The following GLMN variants were observed in gnomAD, a reference collection of about 807,000 sequenced individuals.
GLMN encodes the protein glomulin, FKBP associated protein.
A neutral mutation model predicts 87.8 loss-of-function variants in GLMN; 75 were observed. That is an observed-to-expected ratio of 0.85 (90% CI 0.71 to 1.04). The LOEUF (loss-of-function observed/expected upper bound fraction) is 1.04. Ranked by LOEUF, GLMN falls within the 50% of genes least tolerant of loss-of-function variation. GLMN has a pLI of 0.00. For synonymous variants in GLMN, 206 were observed against 221.6 expected (o/e 0.93, Z 0.63); for missense variants, 588 against 658.8 (o/e 0.89, Z 1.18).
upstream of GLMN, among the ~76,000 whole-genome samples, chr1:92,299,304 C>G (rs1258607304): frequency 1.3e-5 from 2 of 152,236 alleles, no homozygotes; most frequent in African/African-American, 4.8e-5. Flanking sequence ...GTCCGCACCT[C>G]CTGGGAAAGA....
intron 3 of GLMN, among the ~76,000 whole-genome samples, chr1:92,294,261 TA>T (rs1019490688): frequency 6.6e-6 from 1 of 151,976 alleles, no homozygotes; most frequent in East Asian, 1.9e-4. Context: ...AGAATTTTTT[TA>T]AAAAAAATCT....
At chr1:92,266,239 G>A (rs963282432) in intron 13 of GLMN, among the ~76,000 whole-genome samples, 180 bp downstream of exon 13, 3 of 152,130 alleles carry the variant, frequency 2.0e-5, no homozygotes, top group African/African-American at 7.2e-5. Context: ...TATATAGTAT[G>A]TCTGAAATAT....
chr1:92,261,534 G>A (rs1472631370), intron 16 of GLMN, among the ~76,000 whole-genome samples: 1 of 152,170 alleles, frequency 6.6e-6, no homozygotes, highest in Admixed American at 6.5e-5. Flanking sequence ...CCTGGCAGGG[G>A]TGAGTAGCAC....
the GLMN span, among the ~76,000 whole-genome samples, chr1:92,324,854 T>C: frequency 7.9e-5 from 12 of 152,304 alleles, no homozygotes; most frequent in East Asian, 1.3e-3. Context: ...AAGAGACTTA[T>C]TGGGAAATAA....
chr1:92,264,769 T>C (rs1272318537), intron 13 of GLMN, 131 bp from the exon 14 acceptor site: 1 of 681,128 alleles, frequency 1.5e-6, no homozygotes, highest in East Asian at 2.7e-5. Flanking sequence ...GTAATGGTAA[T>C]TAGCAAGGTC....
At chr1:92,302,212 C>T (rs1650900546), upstream of GLMN, among the ~76,000 whole-genome samples, 1 of 151,374 alleles carries the variant, frequency 6.6e-6, no homozygotes, top group South Asian at 2.1e-4. Context: ...AGGAGGCAGA[C>T]GTTGCAGTGA....
At chr1:92,324,252 A>G in the GLMN span, 1 of 1,614,086 alleles carries the variant, frequency 6.2e-7, no homozygotes, top group Non-Finnish European at 8.5e-7. Context: ...CAGCCATTAA[A>G]CCACTGCCAA....
intron 7 of GLMN, among the ~76,000 whole-genome samples, chr1:92,274,896 C>T (rs1312141078): frequency 6.6e-6 from 1 of 152,180 alleles, no homozygotes; most frequent in Non-Finnish European, 1.5e-5. Context: ...TCCTAACCCC[C>T]CTTCTTTCCC....
intron 3 of GLMN, among the ~76,000 whole-genome samples, chr1:92,297,133 T>C (rs889341336): frequency 5.1e-4 from 77 of 150,826 alleles, no homozygotes; most frequent in Middle Eastern, 3.4e-3. Flanking sequence ...TTTTTTTTTT[T>C]CTGAGACAGG....
the GLMN span, among the ~76,000 whole-genome samples, chr1:92,312,283 G>A: frequency 6.6e-6 from 1 of 152,052 alleles, no homozygotes; most frequent in Admixed American, 6.6e-5. Context: ...TGGGTGTGGT[G>A]GCACACAACT....
intron 16 of GLMN, among the ~76,000 whole-genome samples, chr1:92,252,916 A>AT (rs1375211089): frequency 6.6e-6 from 1 of 152,174 alleles, no homozygotes; most frequent in Admixed American, 6.5e-5. Flanking sequence ...TCACTGTAGC[A>AT]TATCTCTCTC....
intron 16 of GLMN, among the ~76,000 whole-genome samples, chr1:92,260,273 A>C (rs1654855095): frequency 6.6e-6 from 1 of 152,160 alleles, no homozygotes; most frequent in African/African-American, 2.4e-5. Flanking sequence ...TAAAGCAATA[A>C]TTTAGAATAT....
intron 7 of GLMN, among the ~76,000 whole-genome samples, chr1:92,283,649 G>T (rs192694045): frequency 6.6e-6 from 1 of 152,132 alleles, no homozygotes; most frequent in African/African-American, 2.4e-5. Context: ...GAAATAAAGG[G>T]TATTTGATTA....
At chr1:92,328,718 C>T in the GLMN span, among the ~76,000 whole-genome samples, 1 of 152,086 alleles carries the variant, frequency 6.6e-6, no homozygotes, top group Non-Finnish European at 1.5e-5. Flanking sequence ...TGTTAAAGAT[C>T]CTTGTTTTGT....
intron 5 of GLMN, 48 bp downstream of exon 5, chr1:92,290,150 C>T (rs767485401): frequency 9.9e-7 from 1 of 1,013,914 alleles, no homozygotes; most frequent in Non-Finnish European, 1.6e-6. Context: ...ACCATCAAGG[C>T]ATTTAGAGAT....
the GLMN span, among the ~76,000 whole-genome samples, chr1:92,351,999 T>A: frequency 6.6e-6 from 1 of 151,854 alleles, no homozygotes; most frequent in Admixed American, 6.6e-5. Flanking sequence ...ATGAAGGAGA[T>A]GAGTACTTTG....
At chr1:92,301,596 TGTTAA>T (rs373395452), upstream of GLMN, 289 of 1,204,160 alleles carry the variant, frequency 2.4e-4, 1 homozygote, top group African/African-American at 1.6e-3. Context: ...AGTGTGTATG[TGTTAA>T]GTTGACAAAT....
At chr1:92,363,069 A>G in the GLMN span, among the ~76,000 whole-genome samples, 8 of 152,208 alleles carry the variant, frequency 5.3e-5, no homozygotes, top group Admixed American at 2.0e-4. Context: ...CTCCAGGGGG[A>G]AAAAAATGCA....
chr1:92,263,031 T>C, intron 15 of GLMN, 105 bp from the exon 16 acceptor site: 2 of 580,380 alleles, frequency 3.4e-6, no homozygotes, highest in Admixed American at 2.9e-5. Context: ...GGTTTGCCAA[T>C]AGAAACTATT....
Sources: gnomAD v4.1 joint callset for allele counts (sites outside exome capture counted in the v4.1 genomes callset) on GRCh38, gnomAD v4.1.1 for gene constraint, MANE v1.5 for transcripts, NCBI Gene and HGNC (gene_info 2026-07-23, HGNC 2026-07-21) for gene names.